The following CFAP20DC variants were observed in gnomAD, a reference collection of about 807,000 sequenced individuals.
CFAP20DC encodes the protein protein CFAP20DC.
In CFAP20DC, 84 loss-of-function variants were observed where a neutral mutation model predicts 101.7. The ratio of observed to expected loss-of-function variants is 0.83; its 90% CI spans 0.69 to 0.99. The LOEUF (loss-of-function observed/expected upper bound fraction) is 0.99, where lower values mean the gene tolerates loss of function less well. Among genes scored for constraint, CFAP20DC ranks in the 50% least tolerant of loss-of-function variants. The probability of loss-of-function intolerance (pLI) is 0.00; values close to 1 mark genes in which losing one functional copy is unlikely to be tolerated. For missense variants in CFAP20DC, 1,007 were observed against 970.3 expected, an observed-to-expected ratio of 1.04 and a Z score of -0.50; for synonymous variants, 359 against 351.2, an observed-to-expected ratio of 1.02 and a Z score of -0.25.
intron 15 of CFAP20DC, among the ~76,000 whole-genome samples, chr3:58,756,223 C>T (rs1046154938): frequency 3.9e-5 from 6 of 152,162 alleles, no homozygotes; most frequent in African/African-American, 1.4e-4. Context: ...ATTTGTAACC[C>T]CCCTCTGACA....
At chr3:58,792,933 G>C (rs538914968) in intron 15 of CFAP20DC, among the ~76,000 whole-genome samples, 2 of 152,186 alleles carry the variant, frequency 1.3e-5, no homozygotes, top group African/African-American at 4.8e-5. Context: ...TGCTAGTTTA[G>C]AGAAGAACTG....
At chr3:58,975,247 C>T (rs1033616709) in intron 4 of CFAP20DC, among the ~76,000 whole-genome samples, 1 of 152,050 alleles carries the variant, frequency 6.6e-6, no homozygotes, top group African/African-American at 2.4e-5. Context: ...GTAGGTATCT[C>T]GTTGGTAAGT....
intron 4 of CFAP20DC, among the ~76,000 whole-genome samples, chr3:58,965,550 G>C (rs2091463593): frequency 1.3e-5 from 2 of 151,984 alleles, no homozygotes; most frequent in South Asian, 4.2e-4. Flanking sequence ...TTTAATCTGG[G>C]ACAATTTACT....
intron 15 of CFAP20DC, among the ~76,000 whole-genome samples, chr3:58,762,851 T>C (rs1422803529): frequency 6.6e-6 from 1 of 152,254 alleles, no homozygotes; most frequent in African/African-American, 2.4e-5. Context: ...TCTTTAATAA[T>C]GTTGAATATT....
Position 58,863,924 on chromosome 3 carries a change from G to A in CFAP20DC, c.1259-32C>T, listed in dbSNP as rs1349159055. Reference sequence around the variant, plus strand: ...GTTGGAAAAGATGACAAAAATTAGAGCAGTAATCCATAAAAGTGTTATTTT... The same window carrying A: ...GTTGGAAAAGATGACAAAAATTAGAACAGTAATCCATAAAAGTGTTATTTT... On this transcript the variant is annotated intron_variant, in intron 11 of 16. Coordinates refer to ENST00000482387, the MANE Select transcript of CFAP20DC (RefSeq NM_001394063.1). This position sits in a 1 kb window ranked among gnomAD's most constrained non-coding sequence, Gnocchi z 5.9. The A allele has an allele frequency of 6.4e-7, 1 of 1,563,956 alleles. No homozygotes were observed. The highest frequency in any genetic ancestry group is 2.2e-5 in the East Asian group (1 of 44,470).
At position 58,728,740 on chromosome 3, in the gene CFAP20DC, A is replaced by C. The variant is rs2067592894; in HGVS notation, c.198-11112T>G. 6.6e-6 allele frequency among the ~76,000 whole-genome samples: 1 copy of C among 152,198 alleles called. No homozygotes were observed. The highest frequency in any genetic ancestry group is 1.5e-5 in the Non-Finnish European group (1 of 68,042). On this transcript the variant is annotated intron_variant, in intron 3 of 3. Coordinates refer to the CFAP20DC transcript ENST00000486145. This position sits in a 1 kb window ranked among gnomAD's most constrained non-coding sequence, Gnocchi z 4.7. ...ATTGGAGAGAACTGACATTTTAATA[A>C]TATTGATTCTTCTCATCTATGAACA... is the stretch of plus-strand genomic sequence containing the variant.
intron 4 of CFAP20DC, among the ~76,000 whole-genome samples, chr3:59,003,037 G>A (rs947965631): frequency 3.9e-5 from 6 of 152,022 alleles, no homozygotes; most frequent in South Asian, 4.1e-4. Flanking sequence ...TTTTATAAGC[G>A]TTTCAAGAGA....
At chr3:58,986,204 G>A (rs1253248259) in intron 4 of CFAP20DC, among the ~76,000 whole-genome samples, 1 of 152,150 alleles carries the variant, frequency 6.6e-6, no homozygotes, top group Non-Finnish European at 1.5e-5. Flanking sequence ...TTGAGTATCA[G>A]AATAAAGAGG....
At chr3:58,967,000 T>C (rs1292589262) in intron 4 of CFAP20DC, among the ~76,000 whole-genome samples, 2 of 152,138 alleles carry the variant, frequency 1.3e-5, no homozygotes, top group Non-Finnish European at 2.9e-5. Context: ...CTGACTTCTT[T>C]GAGAAACTGA....
chr3:58,767,446 A>G (rs978529632), intron 15 of CFAP20DC, among the ~76,000 whole-genome samples: 12 of 152,244 alleles, frequency 7.9e-5, no homozygotes, highest in African/African-American at 2.7e-4. Flanking sequence ...TTAAAAAACT[A>G]AAACATATAG....
chr3:59,000,284 ATGAGATTAC>A (rs1296341672), intron 4 of CFAP20DC, among the ~76,000 whole-genome samples: 1 of 152,134 alleles, frequency 6.6e-6, no homozygotes, highest in African/African-American at 2.4e-5. Flanking sequence ...CTCCATCTGC[ATGAGATTAC>A]TGAGATGGCC....
chr3:58,764,803 C>T (rs1055434026), intron 15 of CFAP20DC, among the ~76,000 whole-genome samples: 10 of 152,156 alleles, frequency 6.6e-5, no homozygotes, highest in African/African-American at 2.4e-4. Context: ...CCTCTTCCTC[C>T]TTCCTCTTGA....
Position 59,006,927 on chromosome 3 carries a change from G to A in CFAP20DC, c.278+32630C>T, listed in dbSNP as rs1189602747. ...TGAAAGCCTTGCTTGCTTTCTCAGC[G>A]TGGAAGCTTATGGCCTGGGGCAGGT... is the stretch of plus-strand genomic sequence containing the variant. On this transcript the variant is annotated intron_variant, in intron 4 of 16. Transcript: ENST00000482387. The surrounding 1 kb of genome is among the most constrained non-coding windows in gnomAD (Gnocchi z 4.3). Among the ~76,000 whole-genome samples the A allele has an allele frequency of 2.6e-5, 4 of 152,206 alleles. No homozygotes were observed. The highest frequency in any genetic ancestry group is 1.9e-4 in the East Asian group (1 of 5,178).
intron 15 of CFAP20DC, among the ~76,000 whole-genome samples, chr3:58,768,969 G>A (rs966045308): frequency 2.0e-5 from 3 of 152,196 alleles, no homozygotes; most frequent in African/African-American, 4.8e-5. Context: ...AGAATTTGAG[G>A]GAGGGCTTAT....
chr3:58,835,883 T>C (rs1404455401), intron 13 of CFAP20DC, among the ~76,000 whole-genome samples: 1 of 152,210 alleles, frequency 6.6e-6, no homozygotes, highest in Non-Finnish European at 1.5e-5. Context: ...ATTACACTAC[T>C]GCTGAGAGGC....
rs2067523780 is a variant in CFAP20DC at position 58,724,664 on chromosome 3, T to C, written c.198-7036A>G. 6.6e-6 allele frequency among the ~76,000 whole-genome samples: 1 copy of C among 152,242 alleles called. No homozygotes were observed. The highest frequency in any genetic ancestry group is 2.4e-5 in the African/African-American group (1 of 41,460). ...ACATCTGCTTCTTAGATCTAAGTGA[T>C]TGTACTGAATATATAGCATGGAGAC... On this transcript the variant is annotated intron_variant, in intron 3 of 3. Transcript: ENST00000486145. This position sits in a 1 kb window ranked among gnomAD's most constrained non-coding sequence, Gnocchi z 5.6.
At chr3:59,010,931 G>A (rs1206818987) in intron 4 of CFAP20DC, among the ~76,000 whole-genome samples, 1 of 152,038 alleles carries the variant, frequency 6.6e-6, no homozygotes, top group Admixed American at 6.6e-5. Flanking sequence ...ACAAATAAAT[G>A]GAAATTAAAT....
At chr3:58,748,372 A>T (rs1334565799) in intron 16 of CFAP20DC, among the ~76,000 whole-genome samples, 1 of 152,122 alleles carries the variant, frequency 6.6e-6, no homozygotes, top group Non-Finnish European at 1.5e-5. Context: ...GTGGATAGGT[A>T]GGTGGGGTGG....
At chr3:58,806,897 C>T (rs367667683) in intron 14 of CFAP20DC, among the ~76,000 whole-genome samples, 4 of 152,172 alleles carry the variant, frequency 2.6e-5, no homozygotes, top group South Asian at 2.1e-4. Context: ...GCTTAAAAAA[C>T]GGCGCACCAG....
Sources: allele counts gnomAD v4.1 joint callset (sites outside exome capture counted in the v4.1 genomes callset), GRCh38; gene constraint gnomAD v4.1.1; non-coding constraint Gnocchi (gnomAD v3.1); transcripts MANE v1.5; gene names NCBI Gene and HGNC (gene_info 2026-07-23, HGNC 2026-07-21).